Variants in ENOX1 observed in about 807,000 individuals in gnomAD.
The protein encoded by ENOX1 is candidate growth-related and time keeping constitutive hydroquinone (NADH) oxidase.
A neutral mutation model predicts 82.5 loss-of-function variants in ENOX1; 42 were observed. That is an observed-to-expected ratio of 0.51 (90% CI 0.40 to 0.66). The LOEUF (loss-of-function observed/expected upper bound fraction) is 0.66, where lower values mean the gene tolerates loss of function less well. ENOX1 is among the 30% of genes least tolerant of loss of function. ENOX1 has a pLI of 0.00. For missense variants in ENOX1, 608 were observed against 811.6 expected (o/e 0.75, Z 3.05); for synonymous variants, 271 against 282.2 (o/e 0.96, Z 0.40).
intron 1 of ENOX1, among the ~76,000 whole-genome samples, chr13:43,731,157 C>G (rs1369581283): frequency 6.6e-6 from 1 of 152,186 alleles, no homozygotes; most frequent in East Asian, 1.9e-4. Context: ...CCTCCTCAGT[C>G]CCAAGAACCC....
At chr13:43,482,443 T>C (rs2058542525) in intron 3 of ENOX1, among the ~76,000 whole-genome samples, 1 of 152,112 alleles carries the variant, frequency 6.6e-6, no homozygotes, top group African/African-American at 2.4e-5. Context: ...ACTCATAGAA[T>C]AAGGTAAAAT....
Position 43,649,016 on chromosome 13 carries a change from A to G in ENOX1, c.-219+18463T>C, listed in dbSNP as rs1252547543. On this transcript the variant is annotated intron_variant, in intron 2 of 16. Transcript: ENST00000690772. ...GCCTACGCAGACCACAGCTGTCTCT[A>G]CTGCACATTTAGTTATGACAAAAAT... 2.6e-5 allele frequency among the ~76,000 whole-genome samples: 4 copies of G among 152,340 alleles called. No homozygotes were observed. In the East Asian group the frequency reaches 7.7e-4, roughly 29 times the overall value.
intron 3 of ENOX1, among the ~76,000 whole-genome samples, chr13:43,444,726 G>A (rs763958296): frequency 1.3e-5 from 2 of 152,228 alleles, no homozygotes; most frequent in Non-Finnish European, 2.9e-5. Flanking sequence ...AAACTGAATT[G>A]TGTTCATTGT....
intron 12 of ENOX1, among the ~76,000 whole-genome samples, chr13:43,293,576 A>G (rs2046127930): frequency 6.6e-6 from 1 of 152,296 alleles, no homozygotes; most frequent in Middle Eastern, 3.4e-3. Context: ...TGATTTTGAC[A>G]TATAACATCA....
rs150931250 is a variant in ENOX1 at position 43,454,615 on chromosome 13, AGTGG to A, written c.-75+29390_-75+29393del. ...CCAAGTTTTCTTTCCTGATCTTTCC[AGTGG>A]GTTAAATGGCAACTTGGGGTTAAAT... On this transcript the variant is annotated intron_variant, in intron 3 of 16. Transcript: ENST00000690772. Among the ~76,000 whole-genome samples the A allele has an allele frequency of 8.3e-3, 1,263 of 152,278 alleles. 26 individuals are homozygous for A. The highest frequency in any genetic ancestry group is 0.028 in the African/African-American group (1,177 of 41,564).
intron 12 of ENOX1, among the ~76,000 whole-genome samples, chr13:43,291,224 ACTT>A: frequency 6.6e-6 from 1 of 152,110 alleles, no homozygotes; most frequent in East Asian, 1.9e-4. Flanking sequence ...ATCCCTCACT[ACTT>A]CTGCACATCC....
chr13:43,412,749 C>T, intron 4 of ENOX1, 96 bp downstream of exon 4: 1 of 1,444,866 alleles, frequency 6.9e-7, no homozygotes, highest in Non-Finnish European at 9.5e-7. Flanking sequence ...GGCCCAGGCT[C>T]CTGGTTCAAT....
intron 1 of ENOX1, among the ~76,000 whole-genome samples, chr13:43,688,835 C>T (rs1033809605): frequency 1.3e-5 from 2 of 152,124 alleles, no homozygotes; most frequent in African/African-American, 4.8e-5. Context: ...AAATATATCA[C>T]CCAAGATGTG....
At chr13:43,239,327 C>G (rs750301581) in intron 14 of ENOX1, among the ~76,000 whole-genome samples, 5 of 152,118 alleles carry the variant, frequency 3.3e-5, no homozygotes, top group African/African-American at 7.2e-5. Flanking sequence ...TGGCAGACAT[C>G]TCAGCTTTTG....
chr13:43,232,685 A>G (rs1488328866), intron 15 of ENOX1, among the ~76,000 whole-genome samples: 2 of 152,152 alleles, frequency 1.3e-5, no homozygotes, highest in African/African-American at 4.8e-5. Flanking sequence ...AGTTTGCCCA[A>G]TCATTGTCAA....
chr13:43,766,234 C>T (rs1951255771), intron 1 of ENOX1, among the ~76,000 whole-genome samples: 1 of 152,172 alleles, frequency 6.6e-6, no homozygotes, highest in African/African-American at 2.4e-5. Flanking sequence ...AGGACTGAGG[C>T]AACCCTTTGA....
chr13:43,621,179 G>A (rs1021062964), intron 2 of ENOX1, among the ~76,000 whole-genome samples: 5 of 152,116 alleles, frequency 3.3e-5, no homozygotes, highest in Non-Finnish European at 7.4e-5. Context: ...TGGTTGGTGA[G>A]TTCTTATCCA....
chr13:43,730,490 T>A (rs2089278059), intron 1 of ENOX1, among the ~76,000 whole-genome samples: 1 of 152,130 alleles, frequency 6.6e-6, no homozygotes, highest in African/African-American at 2.4e-5. Flanking sequence ...TTTTAATAAT[T>A]CTTCTGTTTT....
At chr13:43,706,109 T>C (rs576855524) in intron 1 of ENOX1, among the ~76,000 whole-genome samples, 3 of 151,998 alleles carry the variant, frequency 2.0e-5, no homozygotes, top group South Asian at 4.1e-4. Flanking sequence ...TAAATAATAA[T>C]AACATATAAA....
intron 2 of ENOX1, among the ~76,000 whole-genome samples, chr13:43,528,293 T>C (rs1265980810): frequency 6.6e-6 from 1 of 152,112 alleles, no homozygotes; most frequent in Non-Finnish European, 1.5e-5. Flanking sequence ...TCCTACCCTA[T>C]GTACAACGTG....
intron 1 of ENOX1, among the ~76,000 whole-genome samples, chr13:43,773,336 G>C (rs917201160): frequency 2.0e-5 from 3 of 152,174 alleles, no homozygotes; most frequent in African/African-American, 7.2e-5. Context: ...TGTGTCATGT[G>C]AATTTCACCT....
intron 5 of ENOX1, among the ~76,000 whole-genome samples, chr13:43,381,708 CCATA>C (rs2052060790): frequency 6.6e-6 from 1 of 151,742 alleles, no homozygotes; most frequent in Non-Finnish European, 1.5e-5. Flanking sequence ...ACTACAGTTC[CCATA>C]CATAAATATC....
intron 1 of ENOX1, among the ~76,000 whole-genome samples, chr13:43,707,745 A>C (rs2087401825): frequency 1.3e-5 from 2 of 149,398 alleles, no homozygotes; most frequent in South Asian, 2.1e-4. Flanking sequence ...AAAAAAAAAA[A>C]AAAAAAAAAA....
intron 2 of ENOX1, among the ~76,000 whole-genome samples, chr13:43,638,941 A>G (rs2083515048): frequency 6.6e-6 from 1 of 152,242 alleles, no homozygotes; most frequent in Non-Finnish European, 1.5e-5. Flanking sequence ...TTCTAGGAAT[A>G]TTAATACAAT....
Sources: allele counts gnomAD v4.1 joint callset (sites outside exome capture counted in the v4.1 genomes callset), GRCh38; gene constraint gnomAD v4.1.1; transcripts MANE v1.5; gene names NCBI Gene and HGNC (gene_info 2026-07-23, HGNC 2026-07-21).